The following METTL25 variants were observed in gnomAD, a reference collection of about 807,000 sequenced individuals.
METTL25 encodes methyltransferase like 25.
Under a neutral mutation model 71.6 loss-of-function variants are expected in METTL25, and 64 were observed. That is an observed-to-expected ratio of 0.89 (90% CI 0.73 to 1.10). The LOEUF (loss-of-function observed/expected upper bound fraction) is 1.10. METTL25 is among the 50% of genes least tolerant of loss of function. METTL25 has a pLI of 0.00. For missense variants in METTL25, 807 were observed against 707.0 expected (o/e 1.14, Z -1.60); for synonymous variants, 287 against 250.3 (o/e 1.15, Z -1.38).
intron 8 of METTL25, among the ~76,000 whole-genome samples, chr12:82,446,506 AAC>A (rs1367593474): frequency 1.2e-4 from 5 of 41,480 alleles, no homozygotes; most frequent in African/African-American, 1.7e-4. Context: ...AGAAATCAAT[AAC>A]AAGAGAACCT....
At chr12:82,374,748 C>T (rs1162169895) in intron 1 of METTL25, among the ~76,000 whole-genome samples, 1 of 152,154 alleles carries the variant, frequency 6.6e-6, no homozygotes, top group Non-Finnish European at 1.5e-5. Context: ...AAGCATATTT[C>T]AGGACAGTTA....
chr12:82,380,485 G>T (rs1884334242), intron 1 of METTL25, among the ~76,000 whole-genome samples: 2 of 151,952 alleles, frequency 1.3e-5, no homozygotes, highest in Non-Finnish European at 2.9e-5. Flanking sequence ...GTATATGAAT[G>T]TACATGTATA....
chr12:82,422,148 A>G lies in METTL25; in HGVS notation c.1280-8745A>G, dbSNP rs571726945. On this transcript the variant is annotated intron_variant, in intron 5 of 11. Transcript: ENST00000248306. ...ATGAACATCAATGCAAAAATCCTCA[A>G]TAAAATACTGGCAACCCGAATCCAG... Among the ~76,000 whole-genome samples, 30 of 152,300 alleles carry G rather than the reference A, an allele frequency of 2.0e-4. No individual in the cohort carries two copies. In the South Asian group the frequency reaches 6.0e-3, roughly 30 times the overall value.
intron 5 of METTL25, among the ~76,000 whole-genome samples, chr12:82,413,941 T>C (rs1013032613): frequency 1.5e-4 from 23 of 151,744 alleles, no homozygotes; most frequent in African/African-American, 5.5e-4. Flanking sequence ...TTTATATGTT[T>C]GGGTTTTAGG....
chr12:82,399,265 A>AGAAACATCTGAAGCCAATAAAGAGAG lies in METTL25; in HGVS notation c.1003_1028dup (p.Arg344LysfsTer12). The AGAAACATCTGAAGCCAATAAAGAGAG allele has an allele frequency of 6.2e-7, 1 of 1,613,850 alleles. No individual in the cohort carries two copies. The highest frequency in any genetic ancestry group is 8.5e-7 in the Non-Finnish European group (1 of 1,179,866). On this transcript the variant is annotated frameshift_variant, in exon 4 of 12. Transcript: ENST00000248306. LOFTEE classifies it high-confidence loss of function. ...CTTCTTCACAGCAAATACCCAACAG[A>AGAAACATCTGAAGCCAATAAAGAGAG]GAAACATCTGAAGCCAATAAAGAGA...
At position 82,443,447 on chromosome 12, in the gene METTL25, A is replaced by G. The variant is rs552939128; in HGVS notation, c.1478+4656A>G. 8.3e-4 allele frequency among the ~76,000 whole-genome samples: 113 copies of G among 136,808 alleles called. 1 individual carries two copies. In the Middle Eastern group the frequency reaches 0.015, roughly 18 times the overall value. The allele number at this position is 136,808 out of a possible 152,430, so 89.8% of individuals were successfully genotyped here. Reference sequence around the variant, plus strand: ...GCCTACACAGCCTATCTGAAAATACATTGTCAGAGGAGACCAAAAAAAAAA... The same window carrying G: ...GCCTACACAGCCTATCTGAAAATACGTTGTCAGAGGAGACCAAAAAAAAAA... On this transcript the variant is annotated intron_variant, in intron 8 of 11. Transcript: ENST00000248306.
At chr12:82,448,720 T>C (rs1890925075) in intron 8 of METTL25, among the ~76,000 whole-genome samples, 1 of 152,086 alleles carries the variant, frequency 6.6e-6, no homozygotes, top group Admixed American at 6.6e-5. Flanking sequence ...ATCCATAATG[T>C]GTGGTCAAGT....
At chr12:82,470,801 G>T (rs115037359) in intron 9 of METTL25, among the ~76,000 whole-genome samples, 1 of 152,116 alleles carries the variant, frequency 6.6e-6, no homozygotes, top group Non-Finnish European at 1.5e-5. Flanking sequence ...CAATTGTGAG[G>T]CTTATTGTAA....
intron 5 of METTL25, among the ~76,000 whole-genome samples, chr12:82,422,992 T>A (rs7133073): frequency 1.8e-4 from 28 of 152,170 alleles, no homozygotes; most frequent in Admixed American, 1.2e-3. Flanking sequence ...TAGAGATTCA[T>A]TGCCATCCCC....
intron 8 of METTL25, among the ~76,000 whole-genome samples, chr12:82,441,606 C>T (rs2137195529): frequency 6.6e-6 from 1 of 151,652 alleles, no homozygotes; most frequent in South Asian, 2.1e-4. Flanking sequence ...GAAGGAACAA[C>T]ACAGTACGAG....
chr12:82,450,898 T>G (rs553080217), intron 8 of METTL25, among the ~76,000 whole-genome samples: 35 of 152,276 alleles, frequency 2.3e-4, no homozygotes, highest in African/African-American at 6.7e-4. Context: ...ATCCACTATT[T>G]ACCATCACTC....
chr12:82,458,198 T>C (rs1434058830), intron 9 of METTL25, among the ~76,000 whole-genome samples: 1 of 152,158 alleles, frequency 6.6e-6, no homozygotes, highest in African/African-American at 2.4e-5. Flanking sequence ...TACCAAACAC[T>C]TACTCTGTGA....
chr12:82,455,338 G>A (rs945438861), intron 8 of METTL25, among the ~76,000 whole-genome samples: 1 of 151,820 alleles, frequency 6.6e-6, no homozygotes. Flanking sequence ...TAATGTGTAT[G>A]TGTAGGATCC....
chr12:82,445,548 A>G (rs529539128), intron 8 of METTL25, among the ~76,000 whole-genome samples: 1 of 152,294 alleles, frequency 6.6e-6, no homozygotes, highest in East Asian at 1.9e-4. Flanking sequence ...TGGACTGTGT[A>G]TCAGTAAAAA....
At chr12:82,410,764 A>G (rs1030278134) in intron 5 of METTL25, among the ~76,000 whole-genome samples, 1 of 152,088 alleles carries the variant, frequency 6.6e-6, no homozygotes, top group African/African-American at 2.4e-5. Context: ...GTTCTGAGAT[A>G]AATGCTGGTC....
intron 1 of METTL25, among the ~76,000 whole-genome samples, chr12:82,377,495 A>C (rs1208434008): frequency 2.6e-5 from 4 of 152,216 alleles, no homozygotes; most frequent in Admixed American, 6.5e-5. Context: ...TAAAATTGTG[A>C]AGAATGAAAG....
chr12:82,474,078 C>T (rs1892734110), intron 9 of METTL25, among the ~76,000 whole-genome samples: 1 of 152,104 alleles, frequency 6.6e-6, no homozygotes, highest in Non-Finnish European at 1.5e-5. Flanking sequence ...TAATCTGGGA[C>T]AATGCAGCTG....
intron 1 of METTL25, among the ~76,000 whole-genome samples, chr12:82,361,279 T>G (rs1881836473): frequency 1.3e-5 from 2 of 152,182 alleles, no homozygotes; most frequent in African/African-American, 4.8e-5. Context: ...TGCTGATTGG[T>G]GTATTTACAA....
intron 5 of METTL25, among the ~76,000 whole-genome samples, chr12:82,403,792 T>C (rs1414008609): frequency 2.0e-5 from 3 of 152,174 alleles, no homozygotes; most frequent in Non-Finnish European, 2.9e-5. Flanking sequence ...CCATAAGATA[T>C]TGTAAAATAT....
Sources: gnomAD v4.1 joint callset for allele counts (sites outside exome capture counted in the v4.1 genomes callset) on GRCh38, gnomAD v4.1.1 for gene constraint, MANE v1.5 for transcripts, NCBI Gene and HGNC (gene_info 2026-07-23, HGNC 2026-07-21) for gene names.